The following DPYD variants were observed in gnomAD, a reference collection of about 807,000 sequenced individuals.
The protein encoded by DPYD is dihydropyrimidine dehydrogenase [NADP(+)].
A neutral mutation model predicts 116.2 loss-of-function variants in DPYD; 109 were observed. The ratio of observed to expected loss-of-function variants is 0.94; its 90% CI spans 0.80 to 1.10. The LOEUF (loss-of-function observed/expected upper bound fraction) is 1.10. Among genes scored for constraint, DPYD ranks in the 50% least tolerant of loss-of-function variants. The pLI is 0.00. For missense variants in DPYD, 1,302 were observed against 1,254.5 expected, an observed-to-expected ratio of 1.04 and a Z score of -0.57; for synonymous variants, 440 against 432.0, an observed-to-expected ratio of 1.02 and a Z score of -0.23.
intron 20 of DPYD, among the ~76,000 whole-genome samples, chr1:97,173,300 G>GCACACATATA (rs1656924418): frequency 1.1e-5 from 1 of 89,400 alleles, no homozygotes; most frequent in Non-Finnish European, 2.4e-5. Flanking sequence ...GTACACATAT[G>GCACACATATA]TACATATATA....
At chr1:97,885,329 AAC>A (rs1330791455) in intron 1 of DPYD, among the ~76,000 whole-genome samples, 1 of 152,056 alleles carries the variant, frequency 6.6e-6, no homozygotes, top group Non-Finnish European at 1.5e-5. Flanking sequence ...TACTATTAAC[AAC>A]AGACACAAGC....
chr1:97,193,808 T>C (rs1052138691), intron 19 of DPYD, among the ~76,000 whole-genome samples: 21 of 152,092 alleles, frequency 1.4e-4, no homozygotes, highest in African/African-American at 4.3e-4. Flanking sequence ...AAAAATGCCA[T>C]AGTCTTTCTT....
intron 8 of DPYD, among the ~76,000 whole-genome samples, chr1:97,669,950 G>A (rs1477968474): frequency 3.9e-5 from 6 of 152,100 alleles, no homozygotes; most frequent in East Asian, 1.9e-4. Flanking sequence ...GCAGCGATTC[G>A]TAAGATAAGA....
At chr1:97,286,896 G>A (rs11812070) in intron 18 of DPYD, among the ~76,000 whole-genome samples, 90,517 of 152,038 alleles carry the variant, frequency 0.6, 27,156 homozygotes, top group South Asian at 0.71. Flanking sequence ...TAGTTTGATC[G>A]TCTGAAGCCT....
chr1:97,743,854 T>C (rs1664398530), intron 3 of DPYD, among the ~76,000 whole-genome samples: 1 of 152,080 alleles, frequency 6.6e-6, no homozygotes, highest in Admixed American at 6.6e-5. Flanking sequence ...GTTACTCTGT[T>C]ATAGTGCAGT....
chr1:97,421,263 C>T (rs972697604), intron 14 of DPYD, among the ~76,000 whole-genome samples: 10 of 152,158 alleles, frequency 6.6e-5, no homozygotes, highest in African/African-American at 2.2e-4. Context: ...ATGTCTGGCA[C>T]ACAAGTGGTC....
rs74782963 is a variant in DPYD at position 97,635,023 on chromosome 1, T to C, written c.851-39857A>G. On this transcript the variant is annotated intron_variant, in intron 8 of 22. Transcript: ENST00000370192. Reference sequence around the variant, plus strand: ...AAAATGTGTTCAGTCCATGTTCTGTTTACTTAAATGGAGTGTTGAAAACAG... The same window carrying C: ...AAAATGTGTTCAGTCCATGTTCTGTCTACTTAAATGGAGTGTTGAAAACAG... 1.5e-3 allele frequency among the ~76,000 whole-genome samples: 235 copies of C among 151,968 alleles called. 1 individual carries two copies. The highest frequency in any genetic ancestry group is 0.012 in the East Asian group (63 of 5,158).
At chr1:97,439,415 A>T (rs1176844957) in intron 14 of DPYD, among the ~76,000 whole-genome samples, 1 of 152,192 alleles carries the variant, frequency 6.6e-6, no homozygotes, top group African/African-American at 2.4e-5. Context: ...CTCTAATGTT[A>T]TCTATTGTCT....
At chr1:97,493,527 TAG>T (rs1214554947) in intron 13 of DPYD, among the ~76,000 whole-genome samples, 1 of 152,196 alleles carries the variant, frequency 6.6e-6, no homozygotes, top group Non-Finnish European at 1.5e-5. Context: ...AGGATCTTGC[TAG>T]TAAACTTGGT....
chr1:97,652,365 C>G (rs762991445), intron 8 of DPYD, among the ~76,000 whole-genome samples: 1 of 151,932 alleles, frequency 6.6e-6, no homozygotes, highest in Non-Finnish European at 1.5e-5. Context: ...GAAATGGCCA[C>G]GCAATTGAAT....
chr1:97,523,407 T>G (rs1005298093), intron 12 of DPYD, among the ~76,000 whole-genome samples: 2 of 152,268 alleles, frequency 1.3e-5, no homozygotes, highest in East Asian at 3.9e-4. Context: ...TTCTAAAAAT[T>G]AACTCCATGA....
At chr1:97,824,253 A>G (rs6675325) in intron 3 of DPYD, among the ~76,000 whole-genome samples, 123,990 of 152,004 alleles carry the variant, frequency 0.82, 50,729 homozygotes, top group East Asian at 0.98. Context: ...ATCTATTACC[A>G]GGTTATGGAT....
At chr1:97,173,305 T>TATATGTACAC (rs1557911770) in intron 20 of DPYD, among the ~76,000 whole-genome samples, 1 of 140,318 alleles carries the variant, frequency 7.1e-6, no homozygotes, top group African/African-American at 2.6e-5. Context: ...CATATGTACA[T>TATATGTACAC]ATATATGCAC....
intron 3 of DPYD, among the ~76,000 whole-genome samples, chr1:97,814,930 G>GAAAAAA (rs1553245539): frequency 4.6e-5 from 5 of 109,754 alleles, no homozygotes; most frequent in Admixed American, 1.1e-4. Flanking sequence ...AAGAAAGAGA[G>GAAAAAA]AGGAAAGAAA....
Position 97,749,182 on chromosome 1 carries a change from G to A in DPYD, c.234-8703C>T, listed in dbSNP as rs75052805. 6.2e-3 allele frequency among the ~76,000 whole-genome samples: 936 copies of A among 152,192 alleles called. 7 individuals carry two copies. Among genetic ancestry groups the A allele is most frequent in the African/African-American group, 0.021 (874 of 41,524 alleles). Reference sequence around the variant, plus strand: ...TTCCAGGGTAAGGCAGCAAATTTCCGTGACAAAATAGGCTATCCATGTACA... The same window carrying A: ...TTCCAGGGTAAGGCAGCAAATTTCCATGACAAAATAGGCTATCCATGTACA... On this transcript the variant is annotated intron_variant, in intron 3 of 22. Coordinates refer to ENST00000370192, the MANE Select transcript of DPYD (RefSeq NM_000110.4).
At chr1:97,328,934 C>T (rs1668843439) in intron 16 of DPYD, among the ~76,000 whole-genome samples, 1 of 152,052 alleles carries the variant, frequency 6.6e-6, no homozygotes, top group African/African-American at 2.4e-5. Flanking sequence ...GCTCTTTACA[C>T]CAAAGGGCTT....
At chr1:97,678,614 A>T (rs78501878) in intron 8 of DPYD, among the ~76,000 whole-genome samples, 1,886 of 152,330 alleles carry the variant, frequency 0.012, 36 homozygotes, top group African/African-American at 0.043. Flanking sequence ...GGAGTAATAC[A>T]CTGTCTATGG....
chr1:97,117,038 T>G (rs915527220), intron 20 of DPYD, among the ~76,000 whole-genome samples: 1 of 149,450 alleles, frequency 6.7e-6, no homozygotes, highest in African/African-American at 2.5e-5. Flanking sequence ...GTGGTGTGTA[T>G]CTGTAATCCC....
At chr1:97,228,975 A>G (rs1190501382) in intron 19 of DPYD, among the ~76,000 whole-genome samples, 1 of 151,954 alleles carries the variant, frequency 6.6e-6, no homozygotes, top group African/African-American at 2.4e-5. Flanking sequence ...AGGTGGGCGG[A>G]TCACGAGGTC....
Sources: gnomAD v4.1 joint callset for allele counts (sites outside exome capture counted in the v4.1 genomes callset) on GRCh38, gnomAD v4.1.1 for gene constraint, MANE v1.5 for transcripts, NCBI Gene and HGNC (gene_info 2026-07-23, HGNC 2026-07-21) for gene names.